The following DYM variants were observed in gnomAD, a reference collection of about 807,000 sequenced individuals.
DYM encodes the protein dyggve-Melchior-Clausen syndrome protein.
A neutral mutation model predicts 93.1 loss-of-function variants in DYM; 78 were observed. That is an observed-to-expected ratio of 0.84 (90% CI 0.70 to 1.01). The LOEUF is 1.01. DYM is among the 50% of genes least tolerant of loss of function. The probability of loss-of-function intolerance (pLI) is 0.00; values close to 1 mark genes in which losing one functional copy is unlikely to be tolerated. For synonymous variants in DYM, 321 were observed against 319.7 expected, an observed-to-expected ratio of 1.00 and a Z score of -0.04; for missense variants, 789 against 845.0, an observed-to-expected ratio of 0.93 and a Z score of 0.82.
At chr18:49,112,977 T>TA (rs2081562005) in intron 16 of DYM, among the ~76,000 whole-genome samples, 1 of 152,202 alleles carries the variant, frequency 6.6e-6, no homozygotes, top group Non-Finnish European at 1.5e-5. Context: ...GAGCTCTCAT[T>TA]ATTCTCCTTT....
intron 2 of DYM, among the ~76,000 whole-genome samples, chr18:49,396,926 A>C (rs1198405922): frequency 1.3e-5 from 2 of 152,186 alleles, no homozygotes; most frequent in Admixed American, 6.5e-5. Flanking sequence ...ACAGGCAGGG[A>C]GAGGGAGAGA....
At chr18:49,346,199 C>T in intron 6 of DYM, among the ~76,000 whole-genome samples, 1 of 152,086 alleles carries the variant, frequency 6.6e-6, no homozygotes, top group South Asian at 2.1e-4. Context: ...CAGCATTACT[C>T]ATAATGGCCA....
intron 8 of DYM, among the ~76,000 whole-genome samples, chr18:49,322,159 A>T (rs1319289336): frequency 6.6e-6 from 1 of 151,878 alleles, no homozygotes; most frequent in Non-Finnish European, 1.5e-5. Flanking sequence ...AGAAATAAAC[A>T]CTCCTTTGGC....
intron 8 of DYM, among the ~76,000 whole-genome samples, chr18:49,291,117 T>C (rs1338947696): frequency 1.3e-5 from 2 of 152,226 alleles, no homozygotes; most frequent in African/African-American, 2.4e-5. Flanking sequence ...TCTTTGCATA[T>C]ACATATTTTT....
chr18:49,401,038 G>C (rs1343959108), intron 2 of DYM, among the ~76,000 whole-genome samples: 4 of 152,168 alleles, frequency 2.6e-5, no homozygotes, highest in African/African-American at 9.7e-5. Context: ...TCTGAAGGCA[G>C]ATTTGGGCAG....
At chr18:49,113,139 G>A (rs999989201) in intron 16 of DYM, among the ~76,000 whole-genome samples, 4 of 152,172 alleles carry the variant, frequency 2.6e-5, no homozygotes, top group Admixed American at 6.5e-5. Flanking sequence ...TTGTGGGACT[G>A]TCAAGTCAGT....
At chr18:49,239,225 C>G (rs192754300) in intron 13 of DYM, among the ~76,000 whole-genome samples, 102 of 152,118 alleles carry the variant, frequency 6.7e-4, no homozygotes, top group African/African-American at 2.0e-3. Context: ...ATGTTAATGT[C>G]AAATGTAAAT....
At chr18:49,057,297 CAA>C in intron 17 of DYM, among the ~76,000 whole-genome samples, 1 of 152,216 alleles carries the variant, frequency 6.6e-6, no homozygotes, top group East Asian at 1.9e-4. Flanking sequence ...ACCAATCAGA[CAA>C]AGAGACCGCA....
chr18:49,260,466 TA>T (rs1434387422), intron 11 of DYM, among the ~76,000 whole-genome samples: 1 of 152,126 alleles, frequency 6.6e-6, no homozygotes, highest in Non-Finnish European at 1.5e-5. Context: ...CATAGCCACT[TA>T]AAAATTCCAG....
At chr18:49,151,346 A>C (rs1229917683) in intron 15 of DYM, among the ~76,000 whole-genome samples, 1 of 152,232 alleles carries the variant, frequency 6.6e-6, no homozygotes, top group Non-Finnish European at 1.5e-5. Flanking sequence ...GAATTCTCGA[A>C]TACAATTTGT....
At position 49,163,685 on chromosome 18, in the gene DYM, A is replaced by G. The variant is rs1005631886; in HGVS notation, c.1728T>C (p.Tyr576=). ...ATTGATGAATAAGGTAACTACTTAC[A>G]TAATCTGGTAGAGGAACATCATTAG... ...LSSNDVPLPD[Y]AQDLNVIEEV... Residue 576 remains tyrosine (Y), a splice_region_variant and synonymous_variant, in exon 15 of 18, where the codon TAT becomes TAC. Transcript: ENST00000675505. 1.9e-6 allele frequency: 3 copies of G among 1,605,186 alleles called. No individual in the cohort carries two copies. The highest frequency in any genetic ancestry group is 2.6e-6 in the Non-Finnish European group (3 of 1,173,192).
intron 11 of DYM, 142 bp downstream of exon 11, chr18:49,272,036 A>T (rs2094716155): frequency 1.5e-6 from 1 of 648,802 alleles, no homozygotes; most frequent in Non-Finnish European, 2.5e-6. Context: ...ACCGCTTCAT[A>T]AATCTGAAGA....
intron 8 of DYM, among the ~76,000 whole-genome samples, chr18:49,320,514 A>C (rs2062386118): frequency 6.6e-6 from 1 of 152,174 alleles, no homozygotes; most frequent in African/African-American, 2.4e-5. Flanking sequence ...TCGCGCTGAC[A>C]CCCAGGCTGA....
chr18:49,163,617 T>C, intron 15 of DYM, 68 bp downstream of exon 15: 1 of 1,021,990 alleles, frequency 9.8e-7, no homozygotes, highest in East Asian at 2.6e-5. Context: ...GTGCTGGGAT[T>C]ACAGGCAGGA....
chr18:49,200,465 C>A (rs1190465761), intron 14 of DYM, among the ~76,000 whole-genome samples: 1 of 151,270 alleles, frequency 6.6e-6, no homozygotes, highest in Non-Finnish European at 1.5e-5. Flanking sequence ...AGTATAGAAG[C>A]TTATATTCTT....
chr18:49,277,758 G>C (rs555489121), intron 10 of DYM, among the ~76,000 whole-genome samples: 4 of 152,174 alleles, frequency 2.6e-5, no homozygotes, highest in Admixed American at 2.6e-4. Flanking sequence ...ACAGAACTAC[G>C]AGAAATAACT....
In DYM at chr18:49,246,547, A is replaced by G. The variant is rs149873436; in HGVS notation, c.1460+10463T>C. Among the ~76,000 whole-genome samples, 384 of 138,252 alleles carry G rather than the reference A, an allele frequency of 2.8e-3. 4 individuals are homozygous for G. The highest frequency in any genetic ancestry group is 0.01 in the African/African-American group (324 of 32,054). 90.7% of individuals were successfully genotyped at this position (138,252 alleles called of 152,430 possible). A position where few individuals can be genotyped will look rare whatever the true frequency, so the allele number is the denominator to read the frequency against. Reference sequence around the variant, plus strand: ...GAAAAATACTAGGCTATGAACCTAGATGACTTGGTTTTTTGTCTGCTTCTG... The same window carrying G: ...GAAAAATACTAGGCTATGAACCTAGGTGACTTGGTTTTTTGTCTGCTTCTG... On this transcript the variant is annotated intron_variant, in intron 13 of 17. Coordinates refer to ENST00000675505, the MANE Select transcript of DYM (RefSeq NM_001353214.3).
intron 17 of DYM, among the ~76,000 whole-genome samples, chr18:49,074,091 GCCTCCACAGC>G (rs1055982810): frequency 6.6e-6 from 1 of 152,118 alleles, no homozygotes; most frequent in African/African-American, 2.4e-5. Flanking sequence ...GGTTCTTTTG[GCCTCCACAGC>G]TTATAAATAA....
chr18:49,283,092 G>A (rs924423000), intron 9 of DYM, among the ~76,000 whole-genome samples: 1 of 152,092 alleles, frequency 6.6e-6, no homozygotes, highest in Non-Finnish European at 1.5e-5. Context: ...GTGTAGTCTA[G>A]CCTAGCCTAA....
Sources: allele counts gnomAD v4.1 joint callset (sites outside exome capture counted in the v4.1 genomes callset), GRCh38; gene constraint gnomAD v4.1.1; transcripts MANE v1.5; gene names NCBI Gene and HGNC (gene_info 2026-07-23, HGNC 2026-07-21).